CASP9: variants seen among roughly 807,000 people sequenced by gnomAD.
CASP9 encodes caspase-9.
In CASP9, 29 loss-of-function variants were observed where a neutral mutation model predicts 43.5. That is an observed-to-expected ratio of 0.67 (90% confidence interval 0.50 to 0.91). The LOEUF (loss-of-function observed/expected upper bound fraction) is 0.91. Among genes scored for constraint, CASP9 ranks in the 40% least tolerant of loss-of-function variants. The probability of loss-of-function intolerance (pLI) is 0.00; values close to 1 mark genes in which losing one functional copy is unlikely to be tolerated. For synonymous variants in CASP9, 206 were observed against 211.9 expected, an observed-to-expected ratio of 0.97 and a Z score of 0.24; for missense variants, 575 against 537.4, an observed-to-expected ratio of 1.07 and a Z score of -0.69.
In CASP9 at chr1:15,507,829, G is replaced by T. The variant is rs751938892; in HGVS notation, c.453+44C>A. The stretch of plus-strand genomic sequence containing the variant: ...AGGACCTGAGGGGTGGGGAGGGAAG[G>T]GCCCAGAGCCCGAGCTACTGGCCCA... On this transcript the variant is annotated intron_variant, in intron 3 of 8. Transcript: ENST00000333868. The T allele has an allele frequency of 1.9e-6, 3 of 1,603,372 alleles. No homozygotes were observed. In the South Asian group the frequency reaches 3.3e-5, roughly 18 times the overall value.
chr1:15,521,938 T>C (rs1710219214), intron 1 of CASP9, among the ~76,000 whole-genome samples: 1 of 152,230 alleles, frequency 6.6e-6, no homozygotes, highest in Non-Finnish European at 1.5e-5. Context: ...GGCTAATGGC[T>C]ACTGTTGGGA....
Position 15,495,311 on chromosome 1 carries a change from G to A in CASP9, c.1010C>T (p.Thr337Ile). The change falls in exon 7 of 9, where the codon ACA becomes ATA. Residue 337 changes from threonine (T) to isoleucine (I), a missense_variant. Coordinates refer to ENST00000333868, the MANE Select transcript of CASP9 (RefSeq NM_001229.5). ...GTAGGACACAAAGATGTCACTGGGT[G>A]TGGGCAAACTAGATATGGCGTCCAG... ...DQLDAISSLP[T>I]PSDIFVSYST... The A allele has an allele frequency of 3.7e-6, 6 of 1,611,682 alleles. No individual in the cohort carries two copies. The highest frequency in any genetic ancestry group is 4.2e-6 in the Non-Finnish European group (5 of 1,179,416).
At chr1:15,518,467 TC>T in intron 1 of CASP9, 72 bp from the exon 2 acceptor site, 2 of 1,495,252 alleles carry the variant, frequency 1.3e-6, no homozygotes, top group Non-Finnish European at 9.0e-7. Flanking sequence ...TCTCCCCATT[TC>T]CCAGCTACTG....
chr1:15,521,156 CAAA>C (rs34870949), intron 1 of CASP9, among the ~76,000 whole-genome samples: 10 of 81,182 alleles, frequency 1.2e-4, no homozygotes, highest in Non-Finnish European at 1.4e-4. Context: ...GACTCCGTCT[CAAA>C]AAAAAAAAAA....
chr1:15,494,084 C>T (rs1709004588), intron 7 of CASP9, 83 bp from the exon 8 acceptor site: 2 of 1,510,610 alleles, frequency 1.3e-6, no homozygotes, highest in Non-Finnish European at 1.8e-6. Flanking sequence ...TGCACGCTGG[C>T]TCGGGCGCCC....
intron 2 of CASP9, among the ~76,000 whole-genome samples, chr1:15,517,732 C>A (rs2103373289): frequency 6.6e-6 from 1 of 152,196 alleles, no homozygotes; most frequent in Admixed American, 6.5e-5. Context: ...GCAGATACAA[C>A]TGAGGCCTGT....
chr1:15,524,581 A>ACCTCACGTCCCCGCACTGG (rs1557560371), upstream of CASP9: 3 of 714,028 alleles, frequency 4.2e-6, no homozygotes, highest in Non-Finnish European at 4.9e-6. Context: ...CCCCGCACTG[A>ACCTCACGTCCCCGCACTGG]CCTCACGTCA....
At chr1:15,518,671 C>T (rs1433957265) in intron 1 of CASP9, among the ~76,000 whole-genome samples, 4 of 152,174 alleles carry the variant, frequency 2.6e-5, no homozygotes, top group African/African-American at 4.8e-5. Context: ...TGCAATCAGA[C>T]AAATCAGCAA....
chr1:15,522,819 G>A (rs965881165), intron 1 of CASP9, among the ~76,000 whole-genome samples: 1 of 152,338 alleles, frequency 6.6e-6, no homozygotes, highest in Middle Eastern at 3.4e-3. Context: ...CCCATCCATT[G>A]GTCCTCCATG....
rs1570818014 is a variant in CASP9, at chr1:15,492,707, G to A, written c.*236C>T. The A allele has an allele frequency of 3.5e-6, 2 of 578,012 alleles. No homozygotes were observed. Among genetic ancestry groups the A allele is most frequent in the Non-Finnish European group, 6.1e-6 (2 of 328,446 alleles). The allele number at this position is 578,012 out of a possible 1,614,324, so 35.8% of individuals were successfully genotyped here. Reference sequence around the variant, plus strand: ...AGTCACTAGCCCTGGACCAGCCACTGCTCAAGAGGCCACGTGCAATCCACG... The same window carrying A: ...AGTCACTAGCCCTGGACCAGCCACTACTCAAGAGGCCACGTGCAATCCACG... On this transcript the variant is annotated 3_prime_UTR_variant, in exon 9 of 9. Coordinates refer to ENST00000333868, the MANE Select transcript of CASP9 (RefSeq NM_001229.5).
chr1:15,493,035 C>T lies in CASP9; in HGVS notation c.1159G>A (p.Val387Ile), dbSNP rs201710972. ...CCTTTCACCGAAACAGCATTAGCGA[C>T]CTGTAAGACATGACCATGGAGAGCT... ...SEDLQSLLLR[V>I]ANAVSVKGIY... The change falls in exon 9 of 9, where the codon GTC becomes ATC. Residue 387 changes from valine (V) to isoleucine (I), a missense_variant and splice_region_variant. Transcript: ENST00000333868. 1 of 1,613,996 alleles carries T rather than the reference C, an allele frequency of 6.2e-7. No individual in the cohort carries two copies. Among genetic ancestry groups the T allele is most frequent in the East Asian group, 2.2e-5 (1 of 44,868 alleles).
chr1:15,492,902 G>A lies in CASP9; in HGVS notation c.*41C>T, dbSNP rs371758970. On this transcript the variant is annotated 3_prime_UTR_variant, in exon 9 of 9. Transcript: ENST00000333868. Reference sequence around the variant, plus strand: ...CCTCTTTCAGGCCTGGGGCAGGAAAGCTTTGGGGTGCAAGATAAGGCAGGG... The same window carrying A: ...CCTCTTTCAGGCCTGGGGCAGGAAAACTTTGGGGTGCAAGATAAGGCAGGG... 6 of 1,610,180 alleles carry A rather than the reference G, an allele frequency of 3.7e-6. No homozygotes were observed. Among genetic ancestry groups the A allele is most frequent in the Non-Finnish European group, 5.1e-6 (6 of 1,179,608 alleles).
chr1:15,524,366 C>T, upstream of CASP9: 1 of 1,392,674 alleles, frequency 7.2e-7, no homozygotes, highest in Non-Finnish European at 9.2e-7. Flanking sequence ...AAGGCCTCGC[C>T]CCGCCCCCAG....
At position 15,506,889 on chromosome 1, in the gene CASP9, G is replaced by T; in HGVS notation, c.630+10C>A. The T allele has an allele frequency of 6.3e-7, 1 of 1,585,294 alleles. No homozygotes were observed. Among genetic ancestry groups the T allele is most frequent in the Non-Finnish European group, 8.7e-7 (1 of 1,154,366 alleles). ...CCCACCCTGTCTCCCTCCACAGATA[G>T]TGAGTGTACCTTGGCAGTCAGGTCG... On this transcript the variant is annotated intron_variant, in intron 4 of 8. Transcript: ENST00000333868.
rs1402666160 is a variant in CASP9 at position 15,491,439 on chromosome 1, T to A, written c.*1504A>T. On this transcript the variant is annotated 3_prime_UTR_variant, in exon 9 of 9. Coordinates refer to ENST00000333868, the MANE Select transcript of CASP9 (RefSeq NM_001229.5). ...TTTATTATTATTATTAATTCAGAAA[T>A]CCATCCTAACATCCAGGGCCCTAAG... 1.4e-5 allele frequency: 19 copies of A among 1,345,244 alleles called. No homozygotes were observed. Among genetic ancestry groups the A allele is most frequent in the Non-Finnish European group, 2.0e-5 (19 of 958,394 alleles). The allele number at this position is 1,345,244 out of a possible 1,614,324, so 83.3% of individuals were successfully genotyped here. A position where few individuals can be genotyped will look rare whatever the true frequency, so the allele number is the denominator to read the frequency against.
intron 7 of CASP9, among the ~76,000 whole-genome samples, chr1:15,494,659 C>G (rs916463855): frequency 6.6e-6 from 1 of 151,446 alleles, no homozygotes; most frequent in African/African-American, 2.4e-5. Context: ...GTCAGGAGAT[C>G]GAGACCATCG....
intron 6 of CASP9, among the ~76,000 whole-genome samples, chr1:15,499,096 A>T (rs773148931): frequency 5.3e-5 from 8 of 152,202 alleles, no homozygotes; most frequent in Non-Finnish European, 1.0e-4. Flanking sequence ...CACCTCTAGC[A>T]AGTAGCTATC....
At chr1:15,520,825 C>T (rs1404815003) in intron 1 of CASP9, among the ~76,000 whole-genome samples, 1 of 151,850 alleles carries the variant, frequency 6.6e-6, no homozygotes, top group Non-Finnish European at 1.5e-5. Context: ...TGGTAGTGCG[C>T]ACCTGTAATT....
intron 4 of CASP9, among the ~76,000 whole-genome samples, chr1:15,506,571 A>G (rs1296984155): frequency 6.6e-6 from 1 of 152,126 alleles, no homozygotes; most frequent in Non-Finnish European, 1.5e-5. Flanking sequence ...CAGTCGTAAT[A>G]GCCACCATTT....
Sources: allele counts gnomAD v4.1 joint callset (sites outside exome capture counted in the v4.1 genomes callset), GRCh38; gene constraint gnomAD v4.1.1; transcripts MANE v1.5; gene names NCBI Gene and HGNC (gene_info 2026-07-23, HGNC 2026-07-21).